C6: variants seen among roughly 807,000 people sequenced by gnomAD.
The protein encoded by C6 is complement component C6.
C6 carries 101 observed loss-of-function variants against 112.9 expected under a neutral mutation model. The observed-to-expected ratio is 0.89, with a 90% confidence interval of 0.76 to 1.06. The LOEUF is 1.06. Ranked by LOEUF, C6 falls within the 50% of genes least tolerant of loss-of-function variation. C6 has a pLI of 0.00. For synonymous variants in C6, 431 were observed against 384.1 expected (o/e 1.12, Z -1.43); for missense variants, 1,202 against 1,104.6 (o/e 1.09, Z -1.25).
At chr5:41,182,786 T>C (rs1234995427) in intron 6 of C6, among the ~76,000 whole-genome samples, 1 of 152,240 alleles carries the variant, frequency 6.6e-6, no homozygotes, top group Non-Finnish European at 1.5e-5. Context: ...AATTTTTGTT[T>C]GAAGAAATAC....
chr5:41,185,328 G>A (rs935055995), intron 6 of C6, among the ~76,000 whole-genome samples: 10 of 152,124 alleles, frequency 6.6e-5, no homozygotes, highest in Admixed American at 6.6e-4. Context: ...ATGAGTTTTT[G>A]CTGAACTCAT....
chr5:41,142,740 T>G lies in C6; in HGVS notation c.*85A>C. ...AGTAACTTTGAGCATGCCAGTCTGCTGTTTGTGCAAGAATTCTCATTTGTA... is the reference window on the plus strand; with the variant it reads ...AGTAACTTTGAGCATGCCAGTCTGCGGTTTGTGCAAGAATTCTCATTTGTA... On this transcript the variant is annotated 3_prime_UTR_variant, in exon 18 of 18. Coordinates refer to ENST00000337836, the MANE Select transcript of C6 (RefSeq NM_000065.5). 1 of 1,051,872 alleles carries G rather than the reference T, an allele frequency of 9.5e-7. No individual in the cohort carries two copies. Among genetic ancestry groups the G allele is most frequent in the Non-Finnish European group, 1.5e-6 (1 of 669,720 alleles). The allele number at this position is 1,051,872 out of a possible 1,614,324, so 65.2% of individuals were successfully genotyped here.
exon 1 of C6, chr5:41,261,206 A>G (rs1742033758): frequency 2.0e-6 from 2 of 985,824 alleles, no homozygotes; most frequent in Non-Finnish European, 2.4e-6. Flanking sequence ...TGCATCTATG[A>G]CTTGAAGAAA....
At position 41,143,321 on chromosome 5, in the gene C6, G is replaced by A. The variant is rs149774960; in HGVS notation, c.2624-315C>T. On this transcript the variant is annotated intron_variant, in intron 17 of 17. Coordinates refer to ENST00000337836, the MANE Select transcript of C6 (RefSeq NM_000065.5). Reference sequence around the variant, plus strand: ...TTGGCCTATTTCTGGCACTTCCCCCGTCTCACTGTCCACATCCAATGAGGA... The same window carrying A: ...TTGGCCTATTTCTGGCACTTCCCCCATCTCACTGTCCACATCCAATGAGGA... Among the ~76,000 whole-genome samples the A allele has an allele frequency of 9.9e-3, 1,512 of 152,166 alleles. 12 individuals are homozygous for A. Among genetic ancestry groups the A allele is most frequent in the Non-Finnish European group, 0.015 (1,008 of 68,002 alleles).
chr5:41,242,956 A>G (rs1580249409), intron 1 of C6, among the ~76,000 whole-genome samples: 1 of 152,212 alleles, frequency 6.6e-6, no homozygotes, highest in East Asian at 1.9e-4. Context: ...AATGGAACTC[A>G]TAGACGCAGA....
chr5:41,255,702 C>A (rs761489408), intron 1 of C6, among the ~76,000 whole-genome samples: 1 of 152,154 alleles, frequency 6.6e-6, no homozygotes, highest in Non-Finnish European at 1.5e-5. Context: ...ACTGAATTTA[C>A]GTGCTATAGG....
chr5:41,209,372 G>A (rs761755337), intron 1 of C6, among the ~76,000 whole-genome samples: 4 of 152,126 alleles, frequency 2.6e-5, no homozygotes, highest in Non-Finnish European at 1.5e-5. Context: ...TCTGGCCAGG[G>A]CAATCAGGCA....
chr5:41,175,742 G>A (rs1748786108), intron 8 of C6, among the ~76,000 whole-genome samples: 1 of 152,212 alleles, frequency 6.6e-6, no homozygotes, highest in Non-Finnish European at 1.5e-5. Flanking sequence ...GTCAAGAGCA[G>A]AGATTTCCCC....
chr5:41,156,001 T>C (rs961421633), intron 13 of C6, among the ~76,000 whole-genome samples: 3 of 151,944 alleles, frequency 2.0e-5, no homozygotes, highest in Non-Finnish European at 2.9e-5. Flanking sequence ...ATTAATGGAT[T>C]GTACAACTAC....
intron 5 of C6, among the ~76,000 whole-genome samples, chr5:41,188,591 C>T (rs1348131400): frequency 6.6e-6 from 1 of 151,920 alleles, no homozygotes; most frequent in Non-Finnish European, 1.5e-5. Flanking sequence ...AAATTGGGCC[C>T]CTTTCTCACA....
intron 9 of C6, among the ~76,000 whole-genome samples, chr5:41,164,421 C>A (rs533564439): frequency 6.4e-4 from 98 of 152,204 alleles, no homozygotes; most frequent in Non-Finnish European, 3.2e-4. Flanking sequence ...GCCGTTGTGC[C>A]ATGCTCTGGA....
chr5:41,165,803 A>G (rs1297258472), intron 9 of C6, among the ~76,000 whole-genome samples: 1 of 152,156 alleles, frequency 6.6e-6, no homozygotes, highest in Non-Finnish European at 1.5e-5. Flanking sequence ...AAGAAAGATT[A>G]AACTCTTGAT....
intron 7 of C6, among the ~76,000 whole-genome samples, chr5:41,178,439 A>G (rs1429364324): frequency 1.4e-5 from 2 of 147,840 alleles, no homozygotes; most frequent in Non-Finnish European, 3.0e-5. Context: ...AGGCTTCAGT[A>G]GTATTTTCTT....
At chr5:41,241,820 G>T (rs1740728340) in intron 1 of C6, among the ~76,000 whole-genome samples, 1 of 152,192 alleles carries the variant, frequency 6.6e-6, no homozygotes, top group South Asian at 2.1e-4. Context: ...GTTTGAGGAT[G>T]CTTAGTACTT....
At chr5:41,199,379 A>G (rs143782943) in intron 4 of C6, among the ~76,000 whole-genome samples, 135 of 152,258 alleles carry the variant, frequency 8.9e-4, no homozygotes, top group Admixed American at 7.1e-3. Flanking sequence ...TCATTTGTGT[A>G]TGTGCTTTTG....
intron 5 of C6, among the ~76,000 whole-genome samples, chr5:41,188,600 C>T (rs573463068): frequency 6.6e-6 from 1 of 151,916 alleles, no homozygotes; most frequent in Non-Finnish European, 1.5e-5. Context: ...CCCTTTCTCA[C>T]ATAATGCAAA....
chr5:41,161,808 C>T lies in C6; in HGVS notation c.1343G>A (p.Arg448Lys), dbSNP rs1401668528. 6.2e-7 allele frequency: 1 copy of T among 1,613,728 alleles called. No homozygotes were observed. Among genetic ancestry groups the T allele is most frequent in the South Asian group, 1.1e-5 (1 of 91,080 alleles). The change falls in exon 10 of 18, where the codon AGG (arginine) becomes AAG (lysine). Residue 448 changes from arginine (R) to lysine (K), a missense_variant. Transcript: ENST00000337836. The part of the protein sequence containing the change: ...EKSISLIRGG[R>K]SEYGAALAWE... ...TGCCAAAGCTGCTCCATATTCACTC[C>T]TTCCACCTCGAATCAGGGATATGGA...
chr5:41,161,740 C>T lies in C6; in HGVS notation c.1411G>A (p.Glu471Lys), dbSNP rs1747526600. Residue 471 changes from glutamate (E) to lysine (K), a missense_variant, in exon 10 of 18, where the codon GAG becomes AAG. Physicochemically the swap from Glu to Lys is moderately conservative, Grantham distance 56 (BLOSUM62 1). Coordinates refer to ENST00000337836, the MANE Select transcript of C6 (RefSeq NM_000065.5). ...SSGLEEKTFS[E>K]WLESVKENPA... ...TTTTCCTTCACTGATTCTAACCACT[C>T]AGAAAATGTCTTCTCCTCCAGACCA... 6.2e-7 allele frequency: 1 copy of T among 1,613,640 alleles called. No homozygotes were observed. Among genetic ancestry groups the T allele is most frequent in the Non-Finnish European group, 8.5e-7 (1 of 1,179,658 alleles).
rs993347236 is a variant in C6, at chr5:41,172,158, T to C, written c.1291+67A>G. 5.3e-6 allele frequency: 8 copies of C among 1,512,412 alleles called. No individual in the cohort carries two copies. In the African/African-American group the frequency reaches 1.1e-4, roughly 21 times the overall value. 93.7% of individuals were successfully genotyped at this position (1,512,412 alleles called of 1,614,324 possible). A position where few individuals can be genotyped will look rare whatever the true frequency, so the allele number is the denominator to read the frequency against. ...CTAAAAATAGCACAGTCACATCCAATATGGTCTGTAAATGACAGCCAGGCT... is the reference window on the plus strand; with the variant it reads ...CTAAAAATAGCACAGTCACATCCAACATGGTCTGTAAATGACAGCCAGGCT... On this transcript the variant is annotated intron_variant, in intron 9 of 17. Coordinates refer to ENST00000337836, the MANE Select transcript of C6 (RefSeq NM_000065.5).
Sources: gnomAD v4.1 joint callset for allele counts (sites outside exome capture counted in the v4.1 genomes callset) on GRCh38, gnomAD v4.1.1 for gene constraint, MANE v1.5 for transcripts, NCBI Gene and HGNC (gene_info 2026-07-23, HGNC 2026-07-21) for gene names.